Variants in COL2A1 observed in about 807,000 individuals in gnomAD.
COL2A1 encodes collagen type II alpha 1 chain, also known as collagen alpha-1(II) chain.
COL2A1 carries 28 observed loss-of-function variants against 204.5 expected under a neutral mutation model. The observed-to-expected ratio is 0.14, with a 90% CI of 0.10 to 0.19. The LOEUF (loss-of-function observed/expected upper bound fraction) is 0.19. COL2A1 is among the 10% of genes least tolerant of loss of function. The probability of loss-of-function intolerance (pLI) is 1.00; values close to 1 mark genes in which losing one functional copy is unlikely to be tolerated. For synonymous variants in COL2A1, 708 were observed against 718.7 expected, an observed-to-expected ratio of 0.99 and a Z score of 0.24; for missense variants, 1,388 against 2,027.5, an observed-to-expected ratio of 0.68 and a Z score of 6.06.
Position 47,973,262 on chromosome 12 carries a change from G to GA in COL2A1, c.*144dup, listed in dbSNP as rs1310690080. The GA allele has an allele frequency of 3.1e-5, 33 of 1,057,168 alleles. No individual in the cohort carries two copies. The highest frequency in any genetic ancestry group is 1.8e-5 in the Non-Finnish European group (12 of 675,620). The allele number at this position is 1,057,168 out of a possible 1,614,324, so 65.5% of individuals were successfully genotyped here. On this transcript the variant is annotated 3_prime_UTR_variant, in exon 54 of 54. Transcript: ENST00000380518. ...TCAGGTCTCTTAGAAAGAGAGGGGA[G>GA]AAAAGTCCGAACTGTGAGAGGGTGG...
Position 47,982,835 on chromosome 12 carries a change from C to T in COL2A1, c.2193+13G>A, listed in dbSNP as rs867065694. ...CTACCACGAAGACCCCTACAGGATGCAGCCTCACTTACTTTGGGACCATCA... is the reference window on the plus strand; with the variant it reads ...CTACCACGAAGACCCCTACAGGATGTAGCCTCACTTACTTTGGGACCATCA... On this transcript the variant is annotated intron_variant, in intron 33 of 53. Transcript: ENST00000380518. The T allele has an allele frequency of 7.5e-6, 12 of 1,605,410 alleles. No homozygotes were observed. Among genetic ancestry groups the T allele is most frequent in the Middle Eastern group, 3.3e-4 (2 of 6,072 alleles).
Position 47,978,818 on chromosome 12 carries a change from A to T in COL2A1, c.2734-60T>A, listed in dbSNP as rs1938879742. The T allele has an allele frequency of 8.8e-6, 14 of 1,586,002 alleles. No homozygotes were observed. Among genetic ancestry groups the T allele is most frequent in the Non-Finnish European group, 1.2e-5 (14 of 1,157,478 alleles). On this transcript the variant is annotated intron_variant, in intron 41 of 53. Coordinates refer to ENST00000380518, the MANE Select transcript of COL2A1 (RefSeq NM_001844.5). The surrounding 1 kb of genome is among the most constrained non-coding windows in gnomAD (Gnocchi z 5.5). ...CTCACCCTTCCTCATCCAGGCTGCC[A>T]AAGTCACTGTGGCCTCAGTGACAGC...
intron 2 of COL2A1, chr12:47,999,681 C>G (rs2136635629): frequency 3.4e-5 from 11 of 319,050 alleles, no homozygotes; most frequent in Admixed American, 5.9e-5. Flanking sequence ...CTTCATGTGT[C>G]TTGGAAGCAA....
intron 18 of COL2A1, among the ~76,000 whole-genome samples, 172 bp downstream of exon 18, chr12:47,989,056 C>A (rs541536445): frequency 1.3e-5 from 2 of 152,300 alleles, no homozygotes; most frequent in African/African-American, 4.8e-5. Flanking sequence ...GGTGAGACTG[C>A]GAGTGTCTGG....
rs373141531 is a variant in COL2A1, at chr12:47,989,820, G to A, written c.1024-15C>T. 6.2e-6 allele frequency: 10 copies of A among 1,612,592 alleles called. No individual in the cohort carries two copies. In the African/African-American group the frequency reaches 1.3e-4, roughly 22 times the overall value. On this transcript the variant is annotated splice_polypyrimidine_tract_variant and intron_variant, in intron 16 of 53. Transcript: ENST00000380518. ...CCTCGGGCACCCTGTGAGCAAGAAG[G>A]AAGTGACCATGAGAGGTGCCCACAG...
upstream of COL2A1, chr12:48,004,597 C>A (rs1464957184): frequency 6.0e-6 from 2 of 336,024 alleles, no homozygotes; most frequent in East Asian, 6.4e-5. Context: ...CGCCCGCCCC[C>A]GGAGCCCGCC....
Position 47,982,128 on chromosome 12 carries a change from G to A in COL2A1, c.2334C>T (p.Ala778=), listed in dbSNP as rs35504014. 4.8e-3 allele frequency: 7,752 copies of A among 1,613,962 alleles called. 22 individuals are homozygous for A. Among genetic ancestry groups the A allele is most frequent in the Non-Finnish European group, 6.1e-3 (7,193 of 1,179,910 alleles). The part of the protein sequence containing the change: ...GDVGEKGPEG[A]PGKDGGRGLT... The stretch of plus-strand genomic sequence containing the variant: ...TTACTCGTCCACCATCCTTTCCAGG[G>A]GCTCCCTCAGGGCCTTTCTCACCAA... Residue 778 remains alanine, a synonymous_variant, in exon 35 of 54, where the codon GCC becomes GCT. Transcript: ENST00000380518.
In COL2A1 at chr12:47,987,770, G is replaced by A; in HGVS notation, c.1123-61C>T. The A allele has an allele frequency of 7.5e-7, 1 of 1,334,894 alleles. No individual in the cohort carries two copies. Among genetic ancestry groups the A allele is most frequent in the Admixed American group, 1.9e-5 (1 of 53,498 alleles). 82.7% of individuals were successfully genotyped at this position (1,334,894 alleles called of 1,614,324 possible). On this transcript the variant is annotated intron_variant, in intron 18 of 53. Transcript: ENST00000380518. The surrounding 1 kb of genome is among the most constrained non-coding windows in gnomAD (Gnocchi z 4.1). Reference sequence around the variant, plus strand: ...GAGAGGGGACACAGACCTCTAGTGGGTGGGCAATAGCTCAGGGCCAGCTGC... The same window carrying A: ...GAGAGGGGACACAGACCTCTAGTGGATGGGCAATAGCTCAGGGCCAGCTGC...
intron 2 of COL2A1, 41 bp from the exon 3 acceptor site, chr12:47,998,472 T>C (rs1940072177): frequency 6.2e-7 from 1 of 1,603,756 alleles, no homozygotes; most frequent in Admixed American, 1.7e-5. Flanking sequence ...GGTAAGAATC[T>C]TGAGATGGAA....
chr12:47,993,778 C>A lies in COL2A1; in HGVS notation c.924+31G>T. ...AGGGGCTCCTCATTGTCTCCCTCCT[C>A]CCCATCCCATTGTACTTTCTGGCCT... On this transcript the variant is annotated intron_variant, in intron 14 of 53. Coordinates refer to ENST00000380518, the MANE Select transcript of COL2A1 (RefSeq NM_001844.5). 2.5e-6 allele frequency: 4 copies of A among 1,611,998 alleles called. No individual in the cohort carries two copies. In the South Asian group the frequency reaches 4.4e-5, roughly 18 times the overall value.
chr12:47,980,471 T>C lies in COL2A1; in HGVS notation c.2625+83A>G. 2 of 1,269,452 alleles carry C rather than the reference T, an allele frequency of 1.6e-6. No homozygotes were observed. Among genetic ancestry groups the C allele is most frequent in the East Asian group, 2.5e-5 (1 of 39,816 alleles). The allele number at this position is 1,269,452 out of a possible 1,614,324, so 78.6% of individuals were successfully genotyped here. A position where few individuals can be genotyped will look rare whatever the true frequency, so the allele number is the denominator to read the frequency against. On this transcript the variant is annotated intron_variant, in intron 39 of 53. Transcript: ENST00000380518. The surrounding 1 kb of genome is among the most constrained non-coding windows in gnomAD (Gnocchi z 4.5). ...GTTCCCAGGCCTGCGAACCATCCTCTGCGCAGCCTGCTGGGGCCTTCCCAT... is the reference window on the plus strand; with the variant it reads ...GTTCCCAGGCCTGCGAACCATCCTCCGCGCAGCCTGCTGGGGCCTTCCCAT...
At chr12:47,975,701 C>T (rs1373992534) in intron 50 of COL2A1, 96 bp from the exon 51 acceptor site, 1 of 1,381,160 alleles carries the variant, frequency 7.2e-7, no homozygotes, top group South Asian at 1.2e-5. Context: ...GTCCCTCTTC[C>T]CAGCCCCATG....
In COL2A1 at chr12:47,997,669, C is replaced by T. The variant is rs776531707; in HGVS notation, c.468G>A (p.Gly156=). ...CAGGGGGGCCAGGATTTCCAGGGGT[C>T]CCAGGTTCTCCATCTCTGCCACGAG... ...PGPRGRDGEP[G]TPGNPGPPGP... is the part of the protein sequence containing the mutation. Residue 156 remains glycine (G), a synonymous_variant, in exon 7 of 54, where the codon GGG becomes GGA. Coordinates refer to ENST00000380518, the MANE Select transcript of COL2A1 (RefSeq NM_001844.5). 1 of 1,613,888 alleles carries T rather than the reference C, an allele frequency of 6.2e-7. No homozygotes were observed. The highest frequency in any genetic ancestry group is 8.5e-7 in the Non-Finnish European group (1 of 1,179,910).
chr12:47,985,536 A>G lies in COL2A1; in HGVS notation c.1732T>C (p.Ser578Pro), dbSNP rs1243275050. 2 of 1,613,840 alleles carry G rather than the reference A, an allele frequency of 1.2e-6. No homozygotes were observed. The highest frequency in any genetic ancestry group is 4.5e-5 in the East Asian group (2 of 44,890). ...DAGPQGKVGP[S>P]GAPGEDGRPG... Reference sequence around the variant, plus strand: ...CAGCCCTCAGAGGATAGACTTACAGAAGGGCCAACTTTGCCTTGAGGACCA... The same window carrying G: ...CAGCCCTCAGAGGATAGACTTACAGGAGGGCCAACTTTGCCTTGAGGACCA... The change falls in exon 26 of 54, where the codon TCT (serine) becomes CCT (proline). Residue 578 changes from serine to proline, a missense_variant and splice_region_variant. This residue lies in a region of COL2A1 where 884 missense variants were observed against 1,415.8 expected (regional missense o/e 0.62). Coordinates refer to ENST00000380518, the MANE Select transcript of COL2A1 (RefSeq NM_001844.5).
rs763340509 is a variant in COL2A1, at chr12:47,975,611, G to A, written c.3598-6C>T. 1.3e-6 allele frequency: 2 copies of A among 1,598,820 alleles called. No individual in the cohort carries two copies. The highest frequency in any genetic ancestry group is 2.2e-5 in the South Asian group (2 of 91,004). On this transcript the variant is annotated splice_polypyrimidine_tract_variant and splice_region_variant and intron_variant, in intron 50 of 53. Coordinates refer to ENST00000380518, the MANE Select transcript of COL2A1 (RefSeq NM_001844.5). Reference sequence around the variant, plus strand: ...CCAGGATTTCCAGGAGGACCCTGCAGCAGGAAACAGAGAGATCAGCCAGGA... The same window carrying A: ...CCAGGATTTCCAGGAGGACCCTGCAACAGGAAACAGAGAGATCAGCCAGGA...
At chr12:47,979,397 C>T in intron 41 of COL2A1, 114 bp downstream of exon 41, 2 of 1,073,588 alleles carry the variant, frequency 1.9e-6, no homozygotes, top group Admixed American at 1.7e-5. Flanking sequence ...CTCCAGGGGG[C>T]AGGAACGGAC....
chr12:47,989,438 A>G (rs1365033651), intron 17 of COL2A1, among the ~76,000 whole-genome samples, 157 bp from the exon 18 acceptor site: 1 of 152,146 alleles, frequency 6.6e-6, no homozygotes, highest in Non-Finnish European at 1.5e-5. Flanking sequence ...CCCCATTGCC[A>G]GCGTCCCCAG....
At position 47,981,841 on chromosome 12, in the gene COL2A1, G is replaced by A. The variant is rs1440992743; in HGVS notation, c.2356-12C>T. 1 of 1,553,848 alleles carries A rather than the reference G, an allele frequency of 6.4e-7. No individual in the cohort carries two copies. Among genetic ancestry groups the A allele is most frequent in the South Asian group, 1.2e-5 (1 of 84,494 alleles). Reference sequence around the variant, plus strand: ...GGACCTGTCAGGCCCTGCGGGGAGAGCAGGTAGAGGTGAGGGAGGCAGGCT... The same window carrying A: ...GGACCTGTCAGGCCCTGCGGGGAGAACAGGTAGAGGTGAGGGAGGCAGGCT... On this transcript the variant is annotated splice_polypyrimidine_tract_variant and intron_variant, in intron 35 of 53. Transcript: ENST00000380518.
chr12:47,990,010 TTTTG>T (rs1322911175), intron 16 of COL2A1, among the ~76,000 whole-genome samples: 8 of 152,198 alleles, frequency 5.3e-5, no homozygotes, highest in African/African-American at 1.9e-4. Flanking sequence ...TCTAATCTTT[TTTTG>T]TTGTTGTTTT....
Sources: allele counts gnomAD v4.1 joint callset (sites outside exome capture counted in the v4.1 genomes callset), GRCh38; gene constraint gnomAD v4.1.1; regional missense constraint gnomAD v4.1.1; non-coding constraint Gnocchi (gnomAD v3.1); transcripts MANE v1.5; gene names NCBI Gene and HGNC (gene_info 2026-07-23, HGNC 2026-07-21).